SNX29: variants seen among roughly 807,000 people sequenced by gnomAD.
The protein encoded by SNX29 is sorting nexin-29.
SNX29 carries 78 observed loss-of-function variants against 102.1 expected under a neutral mutation model. That is an observed-to-expected ratio of 0.76 (90% confidence interval 0.64 to 0.92). The LOEUF (loss-of-function observed/expected upper bound fraction) is 0.92, where lower values mean the gene tolerates loss of function less well. Among genes scored for constraint, SNX29 ranks in the 40% least tolerant of loss-of-function variants. SNX29 has a pLI of 0.00. For missense variants in SNX29, 1,280 were observed against 1,061.7 expected, an observed-to-expected ratio of 1.21 and a Z score of -2.86; for synonymous variants, 580 against 414.5, an observed-to-expected ratio of 1.40 and a Z score of -4.85.
intron 16 of SNX29, among the ~76,000 whole-genome samples, chr16:12,382,888 C>T (rs928335652): frequency 6.6e-6 from 1 of 152,020 alleles, no homozygotes; most frequent in African/African-American, 2.4e-5. Flanking sequence ...GGACACCTGC[C>T]ATGGGATTTA....
chr16:12,249,452 T>A (rs2078358224), intron 14 of SNX29, among the ~76,000 whole-genome samples: 1 of 152,164 alleles, frequency 6.6e-6, no homozygotes, highest in Admixed American at 6.5e-5. Context: ...CCAGAGTAAG[T>A]CACATGGCCA....
intron 18 of SNX29, among the ~76,000 whole-genome samples, chr16:12,457,016 A>C (rs532517147): frequency 6.6e-6 from 1 of 152,200 alleles, no homozygotes; most frequent in African/African-American, 2.4e-5. Flanking sequence ...TTCCTTTGCC[A>C]TAATGCCACC....
At chr16:12,180,857 C>G (rs542881469) in intron 13 of SNX29, among the ~76,000 whole-genome samples, 5 of 152,282 alleles carry the variant, frequency 3.3e-5, no homozygotes, top group African/African-American at 1.2e-4. Context: ...GCAGAGCTCT[C>G]TCTCCTGTGG....
At chr16:12,549,125 A>C (rs1057113511) in intron 20 of SNX29, among the ~76,000 whole-genome samples, 2 of 152,126 alleles carry the variant, frequency 1.3e-5, no homozygotes, top group Non-Finnish European at 2.9e-5. Context: ...CAGATGGAAA[A>C]TTCTGGGGTA....
chr16:12,095,719 T>C (rs1435058912), intron 11 of SNX29, among the ~76,000 whole-genome samples: 2 of 152,186 alleles, frequency 1.3e-5, no homozygotes, highest in Non-Finnish European at 2.9e-5. Flanking sequence ...TGCCCCTTTT[T>C]TTGGGGCTGG....
chr16:12,360,076 G>A (rs1452945270), intron 16 of SNX29, among the ~76,000 whole-genome samples: 1 of 152,122 alleles, frequency 6.6e-6, no homozygotes, highest in Non-Finnish European at 1.5e-5. Flanking sequence ...TGCCCGCCTC[G>A]GCCTCCCAGA....
Position 12,432,345 on chromosome 16 carries a change from A to T in SNX29, c.2037+28816A>T, listed in dbSNP as rs146078703. 7.7e-4 allele frequency among the ~76,000 whole-genome samples: 117 copies of T among 152,316 alleles called. No individual in the cohort carries two copies. The East Asian group carries it at 0.013, about 17-fold the overall frequency. On this transcript the variant is annotated intron_variant, in intron 18 of 20. Coordinates refer to ENST00000566228, the MANE Select transcript of SNX29 (RefSeq NM_032167.5). ...GTGGTGTGGTGGAGGAAACAGATGCATTTTTGGGGTCCAGGCTGTCACTGT... is the reference window on the plus strand; with the variant it reads ...GTGGTGTGGTGGAGGAAACAGATGCTTTTTTGGGGTCCAGGCTGTCACTGT...
At chr16:12,563,500 G>A (rs947205112) in intron 20 of SNX29, among the ~76,000 whole-genome samples, 2 of 152,154 alleles carry the variant, frequency 1.3e-5, no homozygotes, top group Non-Finnish European at 2.9e-5. Flanking sequence ...ATTAAAACGG[G>A]GAGACTCCTC....
At chr16:12,496,748 T>G (rs1406060369) in intron 19 of SNX29, among the ~76,000 whole-genome samples, 1 of 152,134 alleles carries the variant, frequency 6.6e-6, no homozygotes, top group Non-Finnish European at 1.5e-5. Flanking sequence ...TAACCTCAAG[T>G]GATCCGCCCG....
At chr16:12,237,252 G>C (rs1336883716) in intron 14 of SNX29, among the ~76,000 whole-genome samples, 1 of 152,160 alleles carries the variant, frequency 6.6e-6, no homozygotes, top group Admixed American at 6.5e-5. Flanking sequence ...GAAGCCCAGC[G>C]GTGTTTCCTC....
chr16:12,547,507 A>G (rs186421229), intron 20 of SNX29, among the ~76,000 whole-genome samples: 6 of 152,228 alleles, frequency 3.9e-5, no homozygotes, highest in South Asian at 2.1e-4. Flanking sequence ...GCTGGTTTCA[A>G]TGTGGGTGTG....
At chr16:12,400,086 G>T (rs2083881100) in intron 17 of SNX29, among the ~76,000 whole-genome samples, 1 of 152,118 alleles carries the variant, frequency 6.6e-6, no homozygotes, top group Non-Finnish European at 1.5e-5. Flanking sequence ...AGGCCACATT[G>T]TCTCTCCCCA....
intron 20 of SNX29, among the ~76,000 whole-genome samples, chr16:12,553,784 C>T (rs549907512): frequency 1.3e-5 from 2 of 152,040 alleles, no homozygotes; most frequent in Admixed American, 6.6e-5. Context: ...GACAGGGTTT[C>T]ACCATGTTGG....
chr16:11,989,108 G>A (rs2055744616), intron 1 of SNX29, among the ~76,000 whole-genome samples: 1 of 152,106 alleles, frequency 6.6e-6, no homozygotes, highest in South Asian at 2.1e-4. Flanking sequence ...CAGTAGCTGG[G>A]ATTACGGGTG....
chr16:12,565,333 G>T (rs189692844), intron 20 of SNX29, among the ~76,000 whole-genome samples: 50 of 152,300 alleles, frequency 3.3e-4, no homozygotes, highest in African/African-American at 1.2e-3. Flanking sequence ...AGCAGTCTGG[G>T]TTTTCCATCT....
chr16:12,222,121 A>G (rs2077494888), intron 14 of SNX29, among the ~76,000 whole-genome samples: 1 of 152,246 alleles, frequency 6.6e-6, no homozygotes, highest in Non-Finnish European at 1.5e-5. Flanking sequence ...CTACATAGGT[A>G]GGTGCTATTA....
intron 18 of SNX29, among the ~76,000 whole-genome samples, chr16:12,412,259 G>C (rs1338317754): frequency 6.6e-6 from 1 of 152,224 alleles, no homozygotes; most frequent in Non-Finnish European, 1.5e-5. Flanking sequence ...AGATGAAGCA[G>C]CTGTGACTCT....
intron 11 of SNX29, among the ~76,000 whole-genome samples, chr16:12,084,082 T>C (rs542264320): frequency 6.6e-6 from 1 of 152,294 alleles, no homozygotes; most frequent in African/African-American, 2.4e-5. Flanking sequence ...ACCCACATGA[T>C]TGTTCTCCTA....
intron 3 of SNX29, among the ~76,000 whole-genome samples, chr16:12,023,686 C>G (rs1399953168): frequency 2.0e-5 from 3 of 152,060 alleles, no homozygotes; most frequent in Non-Finnish European, 4.4e-5. Context: ...TAAGATGGTT[C>G]ATTAACTTAA....
Sources: allele counts gnomAD v4.1 joint callset (sites outside exome capture counted in the v4.1 genomes callset), GRCh38; gene constraint gnomAD v4.1.1; transcripts MANE v1.5; gene names NCBI Gene and HGNC (gene_info 2026-07-23, HGNC 2026-07-21).